Variants in FBXO16 observed in about 807,000 individuals in gnomAD.
FBXO16 encodes the protein F-box only protein 16.
FBXO16 carries 31 observed loss-of-function variants against 41.0 expected under a neutral mutation model. That is an observed-to-expected ratio of 0.76 (90% CI 0.57 to 1.02). The LOEUF is 1.02. FBXO16 is among the 50% of genes least tolerant of loss of function. The pLI is 0.00. For missense variants in FBXO16, 361 were observed against 346.2 expected (o/e 1.04, Z -0.34); for synonymous variants, 133 against 117.8 (o/e 1.13, Z -0.84).
chr8:28,483,275 G>C (rs992863191), intron 2 of FBXO16, 73 bp downstream of exon 2: 11 of 1,299,458 alleles, frequency 8.5e-6, no homozygotes, highest in Non-Finnish European at 1.2e-5. Context: ...TTCATATTTT[G>C]GTAAGTAAAA....
chr8:28,432,831 T>G (rs1585887985), intron 7 of FBXO16, among the ~76,000 whole-genome samples: 1 of 151,340 alleles, frequency 6.6e-6, no homozygotes, highest in Non-Finnish European at 1.5e-5. Context: ...CCAAGGCGGG[T>G]GGATCACCTA....
intron 1 of FBXO16, among the ~76,000 whole-genome samples, chr8:28,488,667 T>G (rs1803641333): frequency 6.6e-6 from 1 of 152,026 alleles, no homozygotes; most frequent in African/African-American, 2.4e-5. Flanking sequence ...AAGGCAGGTG[T>G]TAGGGGTACA....
chr8:28,437,779 A>G (rs1355882881), intron 7 of FBXO16, among the ~76,000 whole-genome samples: 1 of 152,144 alleles, frequency 6.6e-6, no homozygotes, highest in Admixed American at 6.5e-5. Context: ...AGGCTAAGGC[A>G]GGAAGATCAC....
chr8:28,434,881 G>A (rs191925155), intron 7 of FBXO16, among the ~76,000 whole-genome samples: 6 of 152,386 alleles, frequency 3.9e-5, no homozygotes, highest in African/African-American at 1.4e-4. Context: ...TTACCTCAAG[G>A]GAACGTGGTG....
At chr8:28,477,420 G>A (rs75571896) in intron 2 of FBXO16, among the ~76,000 whole-genome samples, 289 of 152,256 alleles carry the variant, frequency 1.9e-3, no homozygotes, top group African/African-American at 6.8e-3. Context: ...TAGAATGTTA[G>A]ATCCAGAAGG....
At chr8:28,480,363 A>G (rs950540992) in intron 2 of FBXO16, among the ~76,000 whole-genome samples, 1 of 152,156 alleles carries the variant, frequency 6.6e-6, no homozygotes, top group Non-Finnish European at 1.5e-5. Context: ...GAGCCCATCT[A>G]TTGAGTTTAG....
intron 3 of FBXO16, chr8:28,465,311 G>T: frequency 2.4e-6 from 1 of 415,412 alleles, no homozygotes; most frequent in Non-Finnish European, 4.9e-6. Flanking sequence ...TGGCTTCAGG[G>T]GCAGAAATGT....
chr8:28,474,316 C>CAAAAAAAAAAAAAAAAAAA, intron 2 of FBXO16, among the ~76,000 whole-genome samples: 7 of 56,660 alleles, frequency 1.2e-4, no homozygotes, highest in Admixed American at 2.5e-4. Flanking sequence ...CAGACCCTGT[C>CAAAAAAAAAAAAAAAAAAA]AAAAAAAAAA....
chr8:28,453,149 C>A (rs1254658106), intron 5 of FBXO16, among the ~76,000 whole-genome samples: 1 of 152,120 alleles, frequency 6.6e-6, no homozygotes, highest in Non-Finnish European at 1.5e-5. Flanking sequence ...TTCCATTTTG[C>A]AGAAGAGGAA....
intron 7 of FBXO16, among the ~76,000 whole-genome samples, chr8:28,444,778 A>AATTTT (rs1802836194): frequency 2.5e-5 from 1 of 39,374 alleles, no homozygotes; most frequent in Non-Finnish European, 5.0e-5. Flanking sequence ...CCGCGCCCGG[A>AATTTT]CTTTTTTTTT....
intron 7 of FBXO16, among the ~76,000 whole-genome samples, chr8:28,437,246 T>G (rs921730121): frequency 1.3e-5 from 2 of 152,220 alleles, no homozygotes; most frequent in Non-Finnish European, 1.5e-5. Flanking sequence ...GTCTAAATGC[T>G]AAGTGAACGA....
chr8:28,482,628 T>C (rs768741767), intron 2 of FBXO16, among the ~76,000 whole-genome samples: 4 of 152,104 alleles, frequency 2.6e-5, no homozygotes, highest in Non-Finnish European at 5.9e-5. Flanking sequence ...GGGAGTGCAA[T>C]GGTGTGATCT....
Position 28,428,469 on chromosome 8 carries a change from A to T in FBXO16, c.*258T>A. ...GGACTCACTACCACAATAAGTACTT[A>T]AGCTGAAAGAGTTTCTAATGGGAGC... On this transcript the variant is annotated 3_prime_UTR_variant, in exon 9 of 9. Transcript: ENST00000380254. The T allele has an allele frequency of 8.1e-7, 1 of 1,240,900 alleles. No homozygotes were observed. The highest frequency in any genetic ancestry group is 1.1e-6 in the Non-Finnish European group (1 of 919,078). 76.9% of individuals were successfully genotyped at this position (1,240,900 alleles called of 1,614,324 possible).
chr8:28,432,146 TG>T (rs1406601486), intron 7 of FBXO16, among the ~76,000 whole-genome samples: 3 of 151,600 alleles, frequency 2.0e-5, no homozygotes, highest in African/African-American at 7.3e-5. Context: ...TGTGTGTGTG[TG>T]TGTGTGTGTG....
intron 4 of FBXO16, among the ~76,000 whole-genome samples, chr8:28,460,430 T>TTTTTTTTC (rs1803114806): frequency 8.0e-6 from 1 of 124,558 alleles, no homozygotes; most frequent in Non-Finnish European, 1.6e-5. Flanking sequence ...CTAATTTTTT[T>TTTTTTTTC]TTTTTTTTTT....
At chr8:28,460,245 A>ATTTTTTTT (rs34429050) in intron 4 of FBXO16, among the ~76,000 whole-genome samples, 3 of 85,484 alleles carry the variant, frequency 3.5e-5, no homozygotes, top group African/African-American at 1.3e-4. Flanking sequence ...ATATATATAT[A>ATTTTTTTT]TTTTTTTTTT....
chr8:28,449,011 A>G (rs1802909401), intron 6 of FBXO16: 1 of 152,344 alleles, frequency 6.6e-6, no homozygotes, highest in African/African-American at 2.4e-5. Context: ...TACCAACACG[A>G]GACAGACAAC....
chr8:28,455,389 A>T (rs1803023667), intron 5 of FBXO16, among the ~76,000 whole-genome samples: 1 of 152,062 alleles, frequency 6.6e-6, no homozygotes. Context: ...AGAGTGTGCT[A>T]CTGCACCCAG....
At chr8:28,458,544 CTTTT>C (rs34617439) in intron 4 of FBXO16, among the ~76,000 whole-genome samples, 17 of 87,608 alleles carry the variant, frequency 1.9e-4, no homozygotes, top group Non-Finnish European at 2.4e-4. Flanking sequence ...TCTTCTTCTT[CTTTT>C]TTTTTTTTTT....
Sources: gnomAD v4.1 joint callset for allele counts (sites outside exome capture counted in the v4.1 genomes callset) on GRCh38, gnomAD v4.1.1 for gene constraint, MANE v1.5 for transcripts, NCBI Gene and HGNC (gene_info 2026-07-23, HGNC 2026-07-21) for gene names.